The following ASTN2 variants were observed in gnomAD, a reference collection of about 807,000 sequenced individuals.
ASTN2 encodes astrotactin-2.
In ASTN2, 54 loss-of-function variants were observed where a neutral mutation model predicts 139.8. That is an observed-to-expected ratio of 0.39 (90% confidence interval 0.31 to 0.48). ASTN2 has a LOEUF of 0.48. Ranked by LOEUF, ASTN2 falls within the 20% of genes least tolerant of loss-of-function variation. The pLI, the probability that ASTN2 is intolerant of heterozygous loss-of-function variation, is 0.95. For missense variants in ASTN2, 1,565 were observed against 1,725.1 expected (o/e 0.91, Z 1.64); for synonymous variants, 756 against 719.5 (o/e 1.05, Z -0.81).
At chr9:116,954,795 G>A (rs995351051) in intron 10 of ASTN2, among the ~76,000 whole-genome samples, 16 of 152,190 alleles carry the variant, frequency 1.1e-4, no homozygotes, top group African/African-American at 2.4e-5. Flanking sequence ...ATAGTCTAAT[G>A]CAATGGCTCT....
At chr9:116,462,184 C>A (rs56845240) in intron 20 of ASTN2, among the ~76,000 whole-genome samples, 1 of 152,102 alleles carries the variant, frequency 6.6e-6, no homozygotes, top group Non-Finnish European at 1.5e-5. Context: ...TTAAAATGTC[C>A]TCATATGTAA....
intron 19 of ASTN2, among the ~76,000 whole-genome samples, chr9:116,576,059 G>A (rs907716675): frequency 4.6e-5 from 7 of 152,096 alleles, no homozygotes; most frequent in African/African-American, 1.4e-4. Context: ...AGGTTATTGA[G>A]CGCCCCACCC....
At chr9:117,238,718 T>G (rs1833118592) in intron 2 of ASTN2, among the ~76,000 whole-genome samples, 1 of 152,204 alleles carries the variant, frequency 6.6e-6, no homozygotes, top group Admixed American at 6.5e-5. Flanking sequence ...TCTTCTCTGA[T>G]TCTCAGTTTA....
intron 12 of ASTN2, among the ~76,000 whole-genome samples, chr9:116,806,271 T>C (rs1280377024): frequency 6.6e-6 from 1 of 152,196 alleles, no homozygotes; most frequent in Non-Finnish European, 1.5e-5. Flanking sequence ...TCCAGGACCA[T>C]GGACAGCACA....
At position 117,414,015 on chromosome 9, in the gene ASTN2, T is replaced by A. The variant is rs919832818; in HGVS notation, c.442+482A>T. Reference sequence around the variant, plus strand: ...GTTGAGCGATTCCACACGGAACTACTCCATTCCTACTCTCATGAAAATCCA... The same window carrying A: ...GTTGAGCGATTCCACACGGAACTACACCATTCCTACTCTCATGAAAATCCA... On this transcript the variant is annotated intron_variant, in intron 1 of 22. Transcript: ENST00000313400. This position sits in a 1 kb window ranked among gnomAD's most constrained non-coding sequence, Gnocchi z 4.2. Among the ~76,000 whole-genome samples the A allele has an allele frequency of 6.6e-6, 1 of 152,054 alleles. No homozygotes were observed. Among genetic ancestry groups the A allele is most frequent in the Non-Finnish European group, 1.5e-5 (1 of 68,022 alleles).
At chr9:116,537,614 A>G (rs747134394) in intron 19 of ASTN2, among the ~76,000 whole-genome samples, 5 of 152,234 alleles carry the variant, frequency 3.3e-5, no homozygotes, top group Middle Eastern at 3.2e-3. Flanking sequence ...TTAAAGCCAG[A>G]AAACCTAAGA....
intron 19 of ASTN2, among the ~76,000 whole-genome samples, chr9:116,530,152 AAAT>A (rs1851281160): frequency 3.9e-5 from 1 of 25,320 alleles, no homozygotes; most frequent in Non-Finnish European, 7.9e-5. Context: ...TATATATATA[AAAT>A]AGAATATTAT....
intron 3 of ASTN2, among the ~76,000 whole-genome samples, chr9:117,149,415 TTGTGTG>T (rs138834081): frequency 2.0e-5 from 3 of 150,730 alleles, no homozygotes; most frequent in African/African-American, 7.3e-5. Context: ...TTGTGTGTGT[TTGTGTG>T]TGTGTGTGTG....
intron 11 of ASTN2, among the ~76,000 whole-genome samples, chr9:116,845,447 G>T (rs1446350876): frequency 6.6e-6 from 1 of 152,158 alleles, no homozygotes; most frequent in Non-Finnish European, 1.5e-5. Flanking sequence ...ACTTCAGGAA[G>T]AATCTAGACC....
chr9:116,669,602 A>AT (rs1312134899), intron 16 of ASTN2, among the ~76,000 whole-genome samples: 1 of 152,000 alleles, frequency 6.6e-6, no homozygotes, highest in African/African-American at 2.4e-5. Context: ...TCTTCAGCCC[A>AT]TTTTTTTATT....
intron 17 of ASTN2, among the ~76,000 whole-genome samples, chr9:116,651,255 A>G (rs1857897750): frequency 6.6e-6 from 1 of 152,188 alleles, no homozygotes; most frequent in Admixed American, 6.5e-5. Context: ...AATCAAAAAC[A>G]TCTATTTGGG....
intron 2 of ASTN2, among the ~76,000 whole-genome samples, chr9:117,269,426 C>A (rs920440826): frequency 6.6e-6 from 1 of 152,128 alleles, no homozygotes; most frequent in African/African-American, 2.4e-5. Flanking sequence ...TCTATTTCTG[C>A]GCTTGAAGGG....
At chr9:116,544,785 C>T (rs559076972) in intron 19 of ASTN2, among the ~76,000 whole-genome samples, 13 of 152,222 alleles carry the variant, frequency 8.5e-5, no homozygotes, top group Middle Eastern at 3.4e-3. Context: ...GAAGCCAAAT[C>T]GGTGGGAAAC....
At chr9:117,301,728 G>A (rs1018586939) in intron 1 of ASTN2, among the ~76,000 whole-genome samples, 6 of 152,152 alleles carry the variant, frequency 3.9e-5, no homozygotes, top group African/African-American at 1.4e-4. Flanking sequence ...TCATAGTAAA[G>A]TCCTTTGTTT....
At chr9:117,393,922 G>C (rs1020799449) in intron 1 of ASTN2, among the ~76,000 whole-genome samples, 2 of 152,084 alleles carry the variant, frequency 1.3e-5, no homozygotes, top group Non-Finnish European at 2.9e-5. Context: ...GCCCATCAAG[G>C]GTCCAGAATT....
At chr9:116,678,274 G>A (rs1376033523) in intron 16 of ASTN2, among the ~76,000 whole-genome samples, 1 of 152,168 alleles carries the variant, frequency 6.6e-6, no homozygotes, top group East Asian at 1.9e-4. Flanking sequence ...CAAATGGAGA[G>A]CCATGACCAA....
intron 1 of ASTN2, among the ~76,000 whole-genome samples, chr9:117,394,552 A>G (rs1830626958): frequency 6.6e-6 from 1 of 152,202 alleles, no homozygotes; most frequent in African/African-American, 2.4e-5. Flanking sequence ...AAATAAGGCA[A>G]AGAGGGAAAG....
At chr9:117,412,007 T>TC (rs145255224) in intron 1 of ASTN2, among the ~76,000 whole-genome samples, 3,398 of 92,738 alleles carry the variant, frequency 0.037, 171 homozygotes, top group African/African-American at 0.14. Context: ...ACCTCACCCC[T>TC]CCCCCCCCCA....
chr9:116,915,838 G>T (rs1289129212), intron 10 of ASTN2, among the ~76,000 whole-genome samples: 1 of 152,190 alleles, frequency 6.6e-6, no homozygotes, highest in African/African-American at 2.4e-5. Flanking sequence ...ATTTCCCTGA[G>T]TTTTGTGACC....
Sources: gnomAD v4.1 joint callset for allele counts (sites outside exome capture counted in the v4.1 genomes callset) on GRCh38, gnomAD v4.1.1 for gene constraint, Gnocchi (gnomAD v3.1) non-coding constraint, MANE v1.5 for transcripts, NCBI Gene and HGNC (gene_info 2026-07-23, HGNC 2026-07-21) for gene names.